INSL6: variants seen among roughly 807,000 people sequenced by gnomAD.
INSL6 encodes insulin-like peptide INSL6.
In INSL6, 16 loss-of-function variants were observed where a neutral mutation model predicts 9.4. That is an observed-to-expected ratio of 1.70 (90% CI 1.15 to 2.59). The LOEUF is 2.59. INSL6 is among the 30% of genes most tolerant of loss of function. The pLI is 0.00. For missense variants in INSL6, 391 were observed against 257.3 expected, an observed-to-expected ratio of 1.52 and a Z score of -3.56; for synonymous variants, 154 against 96.9, an observed-to-expected ratio of 1.59 and a Z score of -3.46.
downstream of INSL6, among the ~76,000 whole-genome samples, chr9:5,119,791 T>C (rs1472535653): frequency 2.0e-5 from 3 of 152,192 alleles, no homozygotes; most frequent in Non-Finnish European, 4.4e-5. Flanking sequence ...TTTTCATATG[T>C]ACTTAATGAA....
the INSL6 span, among the ~76,000 whole-genome samples, chr9:5,084,523 G>T: frequency 6.6e-6 from 1 of 152,020 alleles, no homozygotes; most frequent in Non-Finnish European, 1.5e-5. Context: ...TAAGCCAAGA[G>T]AAATAATGGT....
chr9:5,148,642 T>G (rs1824649053), intron 2 of INSL6, among the ~76,000 whole-genome samples: 1 of 152,156 alleles, frequency 6.6e-6, no homozygotes, highest in South Asian at 2.1e-4. Context: ...ACTCATCTGT[T>G]TCCTGAGAGT....
At chr9:5,037,051 T>G in the INSL6 span, among the ~76,000 whole-genome samples, 1 of 152,160 alleles carries the variant, frequency 6.6e-6, no homozygotes, top group African/African-American at 2.4e-5. Flanking sequence ...GGGCGAAGGA[T>G]ACGAACAGAC....
the INSL6 span, among the ~76,000 whole-genome samples, chr9:4,998,114 A>T: frequency 3.3e-5 from 5 of 152,342 alleles, no homozygotes; most frequent in African/African-American, 1.2e-4. Flanking sequence ...CACGAGCAGA[A>T]TTAATTAAAT....
At chr9:5,017,461 A>G in the INSL6 span, among the ~76,000 whole-genome samples, 1 of 152,122 alleles carries the variant, frequency 6.6e-6, no homozygotes, top group African/African-American at 2.4e-5. Context: ...AATCTTTTCC[A>G]TCATTTTTAT....
chr9:5,098,954 A>C, the INSL6 span: 1 of 152,138 alleles, frequency 6.6e-6, no homozygotes, highest in African/African-American at 2.4e-5. Context: ...TCAGCCTCCC[A>C]AAGTGCTGGG....
intron 1 of INSL6, among the ~76,000 whole-genome samples, chr9:5,180,815 G>C (rs1238787895): frequency 3.3e-5 from 5 of 152,032 alleles, no homozygotes; most frequent in Admixed American, 6.6e-5. Flanking sequence ...CAGTAGTTCT[G>C]CTTTTGCCAT....
the INSL6 span, among the ~76,000 whole-genome samples, chr9:4,999,805 A>G: frequency 1.1e-3 from 161 of 152,340 alleles, no homozygotes; most frequent in Non-Finnish European, 2.1e-3. Flanking sequence ...ACAATTTATC[A>G]GACCCCTTTA....
the INSL6 span, among the ~76,000 whole-genome samples, chr9:5,117,215 T>C: frequency 1.3e-5 from 2 of 152,254 alleles, no homozygotes; most frequent in African/African-American, 4.8e-5. Flanking sequence ...TAAATTTCTG[T>C]TCTTTATAAA....
chr9:5,085,586 C>CTAT, the INSL6 span: 1 of 695,318 alleles, frequency 1.4e-6, no homozygotes, highest in South Asian at 1.6e-5. Flanking sequence ...TGTGCCCCAC[C>CTAT]TATAGATACT....
At chr9:5,078,236 G>T in the INSL6 span, 8 of 1,291,302 alleles carry the variant, frequency 6.2e-6, no homozygotes, top group East Asian at 1.9e-4. Context: ...TGTTTTGGGG[G>T]CTTGAACATA....
the INSL6 span, among the ~76,000 whole-genome samples, chr9:5,068,372 T>G: frequency 6.6e-6 from 1 of 152,204 alleles, no homozygotes; most frequent in African/African-American, 2.4e-5. Context: ...AAATGTAATA[T>G]TAAAGATAAT....
chr9:5,111,686 G>A, the INSL6 span: 2 of 426,402 alleles, frequency 4.7e-6, no homozygotes, highest in East Asian at 6.7e-5. Flanking sequence ...GGGCAGTGGC[G>A]GAGGCAGCAG....
chr9:5,154,852 C>T (rs200933590), intron 2 of INSL6, among the ~76,000 whole-genome samples: 32 of 152,172 alleles, frequency 2.1e-4, no homozygotes, highest in Admixed American at 5.2e-4. Flanking sequence ...TGTGGAGAAA[C>T]AGGAACACTT....
At chr9:5,074,087 A>G in the INSL6 span, among the ~76,000 whole-genome samples, 1 of 152,174 alleles carries the variant, frequency 6.6e-6, no homozygotes, top group Non-Finnish European at 1.5e-5. Flanking sequence ...TCAACATAAC[A>G]TTGGAATAAC....
At chr9:5,010,380 G>A in the INSL6 span, among the ~76,000 whole-genome samples, 2 of 131,466 alleles carry the variant, frequency 1.5e-5, no homozygotes, top group Admixed American at 1.5e-4. Context: ...CTGGAGTGCA[G>A]TAAACATGAC....
chr9:5,174,659 TA>T (rs2130915297), intron 1 of INSL6, among the ~76,000 whole-genome samples: 1 of 152,304 alleles, frequency 6.6e-6, no homozygotes, highest in East Asian at 1.9e-4. Flanking sequence ...CTCAAAAAAT[TA>T]TTTATCTACC....
At chr9:5,120,729 G>C (rs74932895), downstream of INSL6, among the ~76,000 whole-genome samples, 1,549 of 152,252 alleles carry the variant, frequency 0.01, 22 homozygotes, top group African/African-American at 0.034. Flanking sequence ...CAATGGGTTA[G>C]GAGACTGATT....
chr9:5,062,831 A>T, the INSL6 span, among the ~76,000 whole-genome samples: 569 of 152,214 alleles, frequency 3.7e-3, 3 homozygotes, highest in African/African-American at 0.013. Flanking sequence ...ATTGAGCAAT[A>T]CCTCATGTGT....
Sources: gnomAD v4.1 joint callset for allele counts (sites outside exome capture counted in the v4.1 genomes callset) on GRCh38, gnomAD v4.1.1 for gene constraint, MANE v1.5 for transcripts, NCBI Gene and HGNC (gene_info 2026-07-23, HGNC 2026-07-21) for gene names.